The following ARSK variants were observed in gnomAD, a reference collection of about 807,000 sequenced individuals.
The protein encoded by ARSK is arylsulfatase family member K, also known as arylsulfatase K.
A neutral mutation model predicts 53.2 loss-of-function variants in ARSK; 37 were observed. That is an observed-to-expected ratio of 0.70 (90% CI 0.54 to 0.92). The LOEUF is 0.92. Ranked by LOEUF, ARSK falls within the 40% of genes least tolerant of loss-of-function variation. The probability of loss-of-function intolerance (pLI) is 0.00; values close to 1 mark genes in which losing one functional copy is unlikely to be tolerated. For missense variants in ARSK, 613 were observed against 643.0 expected (o/e 0.95, Z 0.51); for synonymous variants, 208 against 223.2 (o/e 0.93, Z 0.61).
intron 4 of ARSK, among the ~76,000 whole-genome samples, chr5:95,583,730 T>C (rs1272601315): frequency 6.6e-6 from 1 of 152,210 alleles, no homozygotes; most frequent in African/African-American, 2.4e-5. Flanking sequence ...TGCCAGTAGA[T>C]TGAAGAGTGC....
At chr5:95,601,171 A>G (rs1749397096) in intron 7 of ARSK, 100 bp downstream of exon 7, 2 of 1,129,862 alleles carry the variant, frequency 1.8e-6, no homozygotes, top group African/African-American at 3.1e-5. Context: ...AAATAAATGA[A>G]TATCTGCTGC....
intron 4 of ARSK, 118 bp from the exon 5 acceptor site, chr5:95,586,444 C>CTGT (rs1331067319): frequency 2.6e-6 from 2 of 770,996 alleles, no homozygotes; most frequent in Non-Finnish European, 4.2e-6. Context: ...CATATTTACA[C>CTGT]TGTTCTTTTC....
intron 3 of ARSK, among the ~76,000 whole-genome samples, chr5:95,579,478 C>G (rs1748985896): frequency 6.6e-6 from 1 of 152,184 alleles, no homozygotes; most frequent in Admixed American, 6.5e-5. Flanking sequence ...GACTTATTCA[C>G]TACCACCAGA....
At position 95,603,234 on chromosome 5, in the gene ARSK, C is replaced by T. The variant is rs774903003; in HGVS notation, c.1322-3C>T. The T allele has an allele frequency of 6.5e-7, 1 of 1,531,972 alleles. No homozygotes were observed. The allele number at this position is 1,531,972 out of a possible 1,614,324, so 94.9% of individuals were successfully genotyped here. A position where few individuals can be genotyped will look rare whatever the true frequency, so the allele number is the denominator to read the frequency against. On this transcript the variant is annotated splice_region_variant and splice_polypyrimidine_tract_variant and intron_variant, in intron 7 of 7. Transcript: ENST00000380009. ...TGACAGATACTTATTTTTTTTCTTT[C>T]AGATCTTTCCTCGGATCCAGATGAA...
In ARSK at chr5:95,555,243, T is replaced by A. The variant is rs368304272; in HGVS notation, c.-36T>A. 17 of 1,557,428 alleles carry A rather than the reference T, an allele frequency of 1.1e-5. No individual in the cohort carries two copies. The highest frequency in any genetic ancestry group is 1.4e-5 in the Non-Finnish European group (16 of 1,153,062). On this transcript the variant is annotated 5_prime_UTR_variant, in exon 1 of 8. Transcript: ENST00000380009. The surrounding 1 kb of genome is among the most constrained non-coding windows in gnomAD (Gnocchi z 4.0). ...GGAGAGAACGCCAGAGGGAGGCGGC[T>A]GGCCCGGCGGCAGGCTCTCAGAACC...
In ARSK at chr5:95,601,067, C is replaced by T. The variant is rs1561370994; in HGVS notation, c.1317C>T (p.Leu439=). ...ATGGTGCATCAATATTGCCTCAACTCTTTGGTAAGTTTGTTAATATATTTT... is the reference window on the plus strand; with the variant it reads ...ATGGTGCATCAATATTGCCTCAACTTTTTGGTAAGTTTGTTAATATATTTT... ...YSDGASILPQ[L]FDLSSDPDEL... is the part of the protein sequence containing the mutation. The change falls in exon 7 of 8, where the codon CTC becomes CTT. Residue 439 remains leucine (L), a synonymous_variant. Coordinates refer to ENST00000380009, the MANE Select transcript of ARSK (RefSeq NM_198150.3). The T allele has an allele frequency of 6.2e-7, 1 of 1,610,880 alleles. No individual in the cohort carries two copies. Among genetic ancestry groups the T allele is most frequent in the South Asian group, 1.1e-5 (1 of 90,944 alleles).
rs1235573275 is a variant in ARSK, at chr5:95,565,925, A to C, written c.127-73A>C. ...ATATTGAAGTCTTCTGCTATTGTAAATTTTATGGTTAAAGAAAATAATTTT... is the reference window on the plus strand; with the variant it reads ...ATATTGAAGTCTTCTGCTATTGTAACTTTTATGGTTAAAGAAAATAATTTT... On this transcript the variant is annotated intron_variant, in intron 1 of 7. Coordinates refer to ENST00000380009, the MANE Select transcript of ARSK (RefSeq NM_198150.3). 1.1e-5 allele frequency: 15 copies of C among 1,401,684 alleles called. No individual in the cohort carries two copies. The Admixed American group carries it at 4.0e-4, about 37-fold the overall frequency. The allele number at this position is 1,401,684 out of a possible 1,614,324, so 86.8% of individuals were successfully genotyped here.
At chr5:95,574,193 GCTGAATAGTA>G (rs1449713221) in intron 3 of ARSK, among the ~76,000 whole-genome samples, 1 of 152,010 alleles carries the variant, frequency 6.6e-6, no homozygotes, top group Non-Finnish European at 1.5e-5. Context: ...CTTTTTTATA[GCTGAATAGTA>G]CTCCATTGTG....
chr5:95,597,001 A>G (rs1749319082), intron 6 of ARSK, among the ~76,000 whole-genome samples: 1 of 152,104 alleles, frequency 6.6e-6, no homozygotes, highest in Non-Finnish European at 1.5e-5. Context: ...GGAAAATGAC[A>G]TTTATGAATA....
chr5:95,573,838 G>A (rs574063033), intron 3 of ARSK, among the ~76,000 whole-genome samples: 23 of 152,216 alleles, frequency 1.5e-4, no homozygotes, highest in African/African-American at 5.5e-4. Flanking sequence ...TGGAGTATCC[G>A]TCCCCTCGAA....
At chr5:95,561,744 A>G (rs1029451743) in intron 1 of ARSK, among the ~76,000 whole-genome samples, 1 of 152,222 alleles carries the variant, frequency 6.6e-6, no homozygotes, top group African/African-American at 2.4e-5. Flanking sequence ...TCAGGAAAAT[A>G]GAGAGTAATG....
Position 95,579,508 on chromosome 5 carries a change from C to T in ARSK, c.417-3408C>T, listed in dbSNP as rs570959471. 1.6e-4 allele frequency among the ~76,000 whole-genome samples: 24 copies of T among 152,266 alleles called. No individual in the cohort carries two copies. In the South Asian group the frequency reaches 5.0e-3, roughly 32 times the overall value. Reference sequence around the variant, plus strand: ...ACCAGAACAGTATGGGGGAAACCATCCCCATGATTCAATTACAATGAGTCC... The same window carrying T: ...ACCAGAACAGTATGGGGGAAACCATTCCCATGATTCAATTACAATGAGTCC... On this transcript the variant is annotated intron_variant, in intron 3 of 7. Transcript: ENST00000380009.
chr5:95,603,079 G>T (rs1749430963), intron 7 of ARSK, among the ~76,000 whole-genome samples, 158 bp from the exon 8 acceptor site: 1 of 152,012 alleles, frequency 6.6e-6, no homozygotes. Context: ...TTAACTCCTG[G>T]TATGTTATTT....
chr5:95,600,944 G>C lies in ARSK; in HGVS notation c.1194G>C (p.Leu398=). ...TFKNEHKVKN[L]HPPWILSEFH... is the part of the protein sequence containing the mutation. The stretch of plus-strand genomic sequence containing the variant: ...AGAATGAACATAAAGTCAAAAACCT[G>C]CATCCACCCTGGATTCTGAGTGAAT... The change falls in exon 7 of 8, where the codon CTG becomes CTC. Residue 398 remains leucine, a synonymous_variant. Coordinates refer to ENST00000380009, the MANE Select transcript of ARSK (RefSeq NM_198150.3). The C allele has an allele frequency of 6.2e-7, 1 of 1,614,072 alleles. No homozygotes were observed. The highest frequency in any genetic ancestry group is 1.1e-5 in the South Asian group (1 of 91,074).
intron 1 of ARSK, among the ~76,000 whole-genome samples, chr5:95,560,802 CTTTTTTTTTTT>C (rs70978188): frequency 9.2e-6 from 1 of 108,288 alleles, no homozygotes; most frequent in African/African-American, 3.4e-5. Flanking sequence ...GGCAAAAGAT[CTTTTTTTTTTT>C]TTTTTTTTTG....
chr5:95,603,680 A>T lies in ARSK; in HGVS notation c.*154A>T. The T allele has an allele frequency of 1.9e-5, 11 of 572,962 alleles. No individual in the cohort carries two copies. The highest frequency in any genetic ancestry group is 2.8e-5 in the Non-Finnish European group (10 of 361,312). The allele number at this position is 572,962 out of a possible 1,614,324, so 35.5% of individuals were successfully genotyped here. On this transcript the variant is annotated 3_prime_UTR_variant, in exon 8 of 8. Coordinates refer to ENST00000380009, the MANE Select transcript of ARSK (RefSeq NM_198150.3). ...ATCCCAGGACTTTGGGAGGCTGAGG[A>T]AAGCAGATCACAAGGTCAAGAGATT...
chr5:95,565,344 A>G (rs1748708310), intron 1 of ARSK, among the ~76,000 whole-genome samples: 1 of 152,082 alleles, frequency 6.6e-6, no homozygotes, highest in African/African-American at 2.4e-5. Flanking sequence ...CAGCCTCCCA[A>G]AGTGCTGGGA....
chr5:95,602,220 G>C (rs998170065), intron 7 of ARSK, among the ~76,000 whole-genome samples: 2 of 152,070 alleles, frequency 1.3e-5, no homozygotes, highest in African/African-American at 4.8e-5. Flanking sequence ...CACCTCCCCT[G>C]CTCAGCTCAT....
chr5:95,564,417 A>G (rs1343780737), intron 1 of ARSK, among the ~76,000 whole-genome samples: 1 of 152,216 alleles, frequency 6.6e-6, no homozygotes, highest in Non-Finnish European at 1.5e-5. Context: ...CATCTTAAAA[A>G]AAGAACTGAC....
Sources: gnomAD v4.1 joint callset for allele counts (sites outside exome capture counted in the v4.1 genomes callset) on GRCh38, gnomAD v4.1.1 for gene constraint, Gnocchi (gnomAD v3.1) non-coding constraint, MANE v1.5 for transcripts, NCBI Gene and HGNC (gene_info 2026-07-23, HGNC 2026-07-21) for gene names.